The following NEGR1 variants were observed in gnomAD, a reference collection of about 807,000 sequenced individuals.
NEGR1 encodes the protein IgLON family member 4.
Under a neutral mutation model 40.9 loss-of-function variants are expected in NEGR1, and 10 were observed. The observed-to-expected ratio is 0.24, with a 90% CI of 0.15 to 0.42. The LOEUF is 0.42. Among genes scored for constraint, NEGR1 ranks in the 10% least tolerant of loss-of-function variants. NEGR1 has a pLI of 1.00. For synonymous variants in NEGR1, 185 were observed against 166.8 expected, an observed-to-expected ratio of 1.11 and a Z score of -0.84; for missense variants, 352 against 438.9, an observed-to-expected ratio of 0.80 and a Z score of 1.77.
At chr1:72,264,880 A>G (rs1024735938) in intron 1 of NEGR1, among the ~76,000 whole-genome samples, 3 of 150,760 alleles carry the variant, frequency 2.0e-5, no homozygotes, top group Non-Finnish European at 4.5e-5. Flanking sequence ...CCAAAGTTTA[A>G]GTTTTCTACA....
At chr1:71,825,797 G>A (rs943598871) in intron 2 of NEGR1, among the ~76,000 whole-genome samples, 2 of 151,886 alleles carry the variant, frequency 1.3e-5, no homozygotes, top group Non-Finnish European at 2.9e-5. Flanking sequence ...AAGAAAATAT[G>A]TATGTAGATA....
intron 3 of NEGR1, among the ~76,000 whole-genome samples, chr1:71,704,163 TCACACACACACA>T (rs3077140): frequency 2.9e-4 from 41 of 142,214 alleles, no homozygotes; most frequent in African/African-American, 6.9e-4. Context: ...TCTCTCTCTG[TCACACACACACA>T]CACACACACA....
chr1:71,622,065 G>A (rs1650626070), intron 4 of NEGR1, among the ~76,000 whole-genome samples: 1 of 151,892 alleles, frequency 6.6e-6, no homozygotes, highest in Non-Finnish European at 1.5e-5. Context: ...TGAAATAGCT[G>A]TCCCCTTGTA....
Position 71,587,295 on chromosome 1 carries a change from A to G in NEGR1, c.940+5522T>C, listed in dbSNP as rs866707001. On this transcript the variant is annotated intron_variant, in intron 6 of 6. Transcript: ENST00000357731. ...CAGTTGAAAGGTACTGTTCGCTTGC[A>G]TCGGTTGAATCTAACCAGGGAAAAA... Among the ~76,000 whole-genome samples the G allele has an allele frequency of 3.3e-5, 5 of 152,306 alleles. No individual in the cohort carries two copies. The South Asian group carries it at 1.0e-3, about 32-fold the overall frequency.
intron 6 of NEGR1, among the ~76,000 whole-genome samples, chr1:71,497,871 T>C (rs2101396024): frequency 6.6e-6 from 1 of 152,248 alleles, no homozygotes; most frequent in South Asian, 2.1e-4. Flanking sequence ...CAAGACAGAA[T>C]GCGAAACTAT....
At chr1:71,791,139 GACAA>G (rs1028156171) in intron 2 of NEGR1, among the ~76,000 whole-genome samples, 19 of 152,034 alleles carry the variant, frequency 1.2e-4, no homozygotes, top group Non-Finnish European at 2.4e-4. Flanking sequence ...AGTATGCACT[GACAA>G]ACAATGTCAA....
intron 6 of NEGR1, among the ~76,000 whole-genome samples, chr1:71,427,186 A>C (rs535565004): frequency 6.6e-6 from 1 of 152,174 alleles, no homozygotes; most frequent in Non-Finnish European, 1.5e-5. Flanking sequence ...AAAATTTAGA[A>C]ACTTTCTTCT....
rs1646231793 is a variant in NEGR1 at position 71,399,354 on chromosome 1, T to C, written c.*8092A>G. ...TAACACATTTCAAAGCATAATTTAGTTGTTTATCAACAAGAAAAATGTATT... is the reference window on the plus strand; with the variant it reads ...TAACACATTTCAAAGCATAATTTAGCTGTTTATCAACAAGAAAAATGTATT... On this transcript the variant is annotated 3_prime_UTR_variant, in exon 7 of 7. Transcript: ENST00000357731. 1 of 152,208 alleles carries C rather than the reference T, an allele frequency of 6.6e-6. No individual in the cohort carries two copies. Among genetic ancestry groups the C allele is most frequent in the Non-Finnish European group, 1.5e-5 (1 of 68,048 alleles). The allele number at this position is 152,208 out of a possible 1,614,324, so 9.4% of individuals were successfully genotyped here.
intron 6 of NEGR1, among the ~76,000 whole-genome samples, chr1:71,463,860 G>T (rs1009812007): frequency 6.6e-6 from 1 of 152,014 alleles, no homozygotes; most frequent in African/African-American, 2.4e-5. Context: ...AAACTTCTAG[G>T]AATTTACAAT....
chr1:71,506,271 C>T (rs1428220793), intron 6 of NEGR1, among the ~76,000 whole-genome samples: 1 of 152,030 alleles, frequency 6.6e-6, no homozygotes, highest in Non-Finnish European at 1.5e-5. Flanking sequence ...TCCTGGCCCT[C>T]TCATCTTTAG....
At chr1:72,085,094 A>C (rs1156429277) in intron 1 of NEGR1, among the ~76,000 whole-genome samples, 2 of 152,320 alleles carry the variant, frequency 1.3e-5, no homozygotes, top group East Asian at 3.9e-4. Flanking sequence ...TTGCCCAAAG[A>C]GGTTAAAAAA....
At chr1:71,454,512 C>T (rs1364330115) in intron 6 of NEGR1, among the ~76,000 whole-genome samples, 1 of 151,754 alleles carries the variant, frequency 6.6e-6, no homozygotes, top group African/African-American at 2.4e-5. Context: ...GCTTCTGAGA[C>T]AAGGATAATT....
intron 2 of NEGR1, among the ~76,000 whole-genome samples, chr1:71,894,288 T>G (rs1051946131): frequency 1.5e-4 from 23 of 150,606 alleles, no homozygotes; most frequent in African/African-American, 5.6e-4. Flanking sequence ...CTTTTTGGTA[T>G]GTGCTTGAAT....
At chr1:71,902,116 G>C (rs1264235225) in intron 2 of NEGR1, among the ~76,000 whole-genome samples, 1 of 152,098 alleles carries the variant, frequency 6.6e-6, no homozygotes, top group Non-Finnish European at 1.5e-5. Flanking sequence ...GGAAGAAAAG[G>C]TCTTATTCCT....
chr1:72,083,712 A>T (rs191052429), intron 1 of NEGR1, among the ~76,000 whole-genome samples: 311 of 151,924 alleles, frequency 2.0e-3, no homozygotes, highest in Middle Eastern at 0.017. Flanking sequence ...GTTCTTTCCT[A>T]GGTTTGATTT....
intron 6 of NEGR1, among the ~76,000 whole-genome samples, chr1:71,428,656 T>A (rs1024310006): frequency 3.4e-5 from 5 of 148,976 alleles, no homozygotes; most frequent in African/African-American, 1.2e-4. Context: ...ATAAATTTAT[T>A]TTTTATTATA....
intron 6 of NEGR1, among the ~76,000 whole-genome samples, chr1:71,469,468 A>G (rs1197601116): frequency 6.6e-6 from 1 of 152,112 alleles, no homozygotes; most frequent in Non-Finnish European, 1.5e-5. Flanking sequence ...ACTTTTTGAG[A>G]AAAGAAAATC....
At chr1:72,139,799 G>T (rs1163364422) in intron 1 of NEGR1, among the ~76,000 whole-genome samples, 1 of 152,030 alleles carries the variant, frequency 6.6e-6, no homozygotes, top group Non-Finnish European at 1.5e-5. Context: ...TTACTATCTT[G>T]ATTGTATGAT....
chr1:72,097,382 T>C (rs1648743693), intron 1 of NEGR1, among the ~76,000 whole-genome samples: 1 of 152,164 alleles, frequency 6.6e-6, no homozygotes, highest in Non-Finnish European at 1.5e-5. Context: ...CTATCCAGAT[T>C]ATTTGATAAT....
Sources: gnomAD v4.1 joint callset for allele counts (sites outside exome capture counted in the v4.1 genomes callset) on GRCh38, gnomAD v4.1.1 for gene constraint, MANE v1.5 for transcripts, NCBI Gene and HGNC (gene_info 2026-07-23, HGNC 2026-07-21) for gene names.